FRAS1: variants seen among roughly 807,000 people sequenced by gnomAD.
FRAS1 encodes Fraser extracellular matrix complex subunit 1.
FRAS1 carries 290 observed loss-of-function variants against 435.2 expected under a neutral mutation model. The ratio of observed to expected loss-of-function variants is 0.67; its 90% CI spans 0.61 to 0.73. The LOEUF (loss-of-function observed/expected upper bound fraction) is 0.73. FRAS1 is among the 30% of genes least tolerant of loss of function. FRAS1 has a pLI of 0.00. For missense variants in FRAS1, 4,860 were observed against 5,001.5 expected (o/e 0.97, Z 0.85); for synonymous variants, 1,800 against 1,851.0 (o/e 0.97, Z 0.71).
At chr4:78,460,765 T>C (rs1247710296) in intron 47 of FRAS1, among the ~76,000 whole-genome samples, 1 of 151,854 alleles carries the variant, frequency 6.6e-6, no homozygotes, top group Non-Finnish European at 1.5e-5. Flanking sequence ...AGTAAGTATT[T>C]GTGTATCTGC....
intron 45 of FRAS1, 191 bp downstream of exon 45, chr4:78,450,530 T>G (rs1267728327): frequency 5.2e-6 from 3 of 575,266 alleles, no homozygotes; most frequent in Non-Finnish European, 9.2e-6. Context: ...TCTTTCTTGG[T>G]TGAAATGTGT....
At chr4:78,190,436 C>A (rs1476000273) in intron 2 of FRAS1, among the ~76,000 whole-genome samples, 1 of 152,090 alleles carries the variant, frequency 6.6e-6, no homozygotes, top group Non-Finnish European at 1.5e-5. Context: ...TCTTCATTTC[C>A]CCCATTCACT....
At chr4:78,264,253 C>A (rs1328885478) in intron 6 of FRAS1, among the ~76,000 whole-genome samples, 2 of 152,140 alleles carry the variant, frequency 1.3e-5, no homozygotes, top group African/African-American at 4.8e-5. Context: ...GCAGCAGAGA[C>A]AAATAGTCTG....
At chr4:78,228,596 A>G (rs1029240167) in intron 2 of FRAS1, among the ~76,000 whole-genome samples, 3 of 152,182 alleles carry the variant, frequency 2.0e-5, no homozygotes, top group African/African-American at 7.2e-5. Context: ...ACTACTCTAG[A>G]AGTATAGTTT....
chr4:78,532,211 C>T (rs377222543), intron 70 of FRAS1, among the ~76,000 whole-genome samples: 49 of 152,328 alleles, frequency 3.2e-4, no homozygotes, highest in African/African-American at 1.2e-3. Flanking sequence ...CCCTGGCTGA[C>T]TGGTCATTCC....
At chr4:78,231,404 CT>C (rs1412292738) in intron 2 of FRAS1, among the ~76,000 whole-genome samples, 1 of 151,864 alleles carries the variant, frequency 6.6e-6, no homozygotes, top group Non-Finnish European at 1.5e-5. Context: ...TTATCTACCC[CT>C]CACTTACTGG....
intron 2 of FRAS1, among the ~76,000 whole-genome samples, chr4:78,074,794 T>A (rs576535120): frequency 1.1e-4 from 16 of 152,278 alleles, no homozygotes; most frequent in African/African-American, 3.8e-4. Context: ...TCTGAACAAG[T>A]TGAGAAATAA....
chr4:78,086,812 A>G (rs1229179786), intron 2 of FRAS1, among the ~76,000 whole-genome samples: 4 of 152,236 alleles, frequency 2.6e-5, no homozygotes, highest in African/African-American at 9.6e-5. Flanking sequence ...GTCCAGGACC[A>G]GATGGATTCA....
At chr4:78,347,318 G>A (rs1364612962) in intron 20 of FRAS1, among the ~76,000 whole-genome samples, 1 of 152,138 alleles carries the variant, frequency 6.6e-6, no homozygotes, top group African/African-American at 2.4e-5. Context: ...TGACAGCCTC[G>A]TTTTTCTCTT....
At chr4:78,170,278 A>G (rs1339053036) in intron 2 of FRAS1, among the ~76,000 whole-genome samples, 2 of 152,106 alleles carry the variant, frequency 1.3e-5, no homozygotes, top group Non-Finnish European at 2.9e-5. Context: ...TTTGTTCACC[A>G]TTATATAAAT....
At chr4:78,533,159 G>A (rs761226783) in intron 70 of FRAS1, among the ~76,000 whole-genome samples, 1 of 152,072 alleles carries the variant, frequency 6.6e-6, no homozygotes, top group Non-Finnish European at 1.5e-5. Flanking sequence ...CTGCCTAATT[G>A]TTCTCCTTAT....
intron 28 of FRAS1, 40 bp downstream of exon 28, chr4:78,384,183 T>A: frequency 7.6e-7 from 1 of 1,315,638 alleles, no homozygotes; most frequent in Non-Finnish European, 1.1e-6. Context: ...TTTACATGAC[T>A]ACTAGTTCTC....
intron 2 of FRAS1, among the ~76,000 whole-genome samples, chr4:78,125,696 T>C (rs1719306073): frequency 6.6e-6 from 1 of 152,204 alleles, no homozygotes; most frequent in Admixed American, 6.5e-5. Context: ...TTCCTGGGTA[T>C]CACCAGTGGA....
chr4:78,092,247 G>A (rs1038591567), intron 2 of FRAS1, among the ~76,000 whole-genome samples: 5 of 152,262 alleles, frequency 3.3e-5, no homozygotes, highest in Admixed American at 6.5e-5. Flanking sequence ...TCAGGTCTCT[G>A]TCCTGTAGGC....
chr4:78,144,523 T>C (rs1396181712), intron 2 of FRAS1, among the ~76,000 whole-genome samples: 1 of 152,100 alleles, frequency 6.6e-6, no homozygotes, highest in Non-Finnish European at 1.5e-5. Context: ...ACAAGTACTT[T>C]TGTAGCTCCT....
At chr4:78,247,008 G>A (rs1164782851) in intron 4 of FRAS1, among the ~76,000 whole-genome samples, 1 of 152,064 alleles carries the variant, frequency 6.6e-6, no homozygotes, top group Non-Finnish European at 1.5e-5. Flanking sequence ...AATAAACACA[G>A]GTGAATAAAA....
chr4:78,467,139 T>C (rs61305363), intron 50 of FRAS1, among the ~76,000 whole-genome samples: 3,021 of 152,300 alleles, frequency 0.02, 110 homozygotes, highest in African/African-American at 0.069. Flanking sequence ...ATTTTTGACA[T>C]TAGTCATCTG....
chr4:78,379,716 T>C lies in FRAS1; in HGVS notation c.3293-10T>C, dbSNP rs371289018. ...CATAAGCTTGACCTTTGGATTCATATGTTTTTCAGGCAAAATACACACCCC... is the reference window on the plus strand; with the variant it reads ...CATAAGCTTGACCTTTGGATTCATACGTTTTTCAGGCAAAATACACACCCC... On this transcript the variant is annotated splice_polypyrimidine_tract_variant and intron_variant, in intron 26 of 73. Transcript: ENST00000512123. 2.0e-5 allele frequency: 32 copies of C among 1,603,898 alleles called. No homozygotes were observed. The highest frequency in any genetic ancestry group is 2.5e-5 in the Non-Finnish European group (29 of 1,177,654).
intron 2 of FRAS1, among the ~76,000 whole-genome samples, chr4:78,171,336 C>T (rs544782221): frequency 3.3e-5 from 5 of 152,228 alleles, no homozygotes; most frequent in African/African-American, 4.8e-5. Context: ...TGAACCTGGG[C>T]CCTGTAGCTC....
Sources: allele counts gnomAD v4.1 joint callset (sites outside exome capture counted in the v4.1 genomes callset), GRCh38; gene constraint gnomAD v4.1.1; transcripts MANE v1.5; gene names NCBI Gene and HGNC (gene_info 2026-07-23, HGNC 2026-07-21).